ATP8A2: variants seen among roughly 807,000 people sequenced by gnomAD.
ATP8A2 encodes ATPase phospholipid transporting 8A2, also known as phospholipid-transporting ATPase IB.
A neutral mutation model predicts 165.6 loss-of-function variants in ATP8A2; 100 were observed. The observed-to-expected ratio is 0.60, with a 90% confidence interval of 0.51 to 0.71. The LOEUF (loss-of-function observed/expected upper bound fraction) is 0.71. ATP8A2 is among the 30% of genes least tolerant of loss of function. ATP8A2 has a pLI of 0.00. For synonymous variants in ATP8A2, 543 were observed against 548.8 expected, an observed-to-expected ratio of 0.99 and a Z score of 0.15; for missense variants, 1,227 against 1,479.5, an observed-to-expected ratio of 0.83 and a Z score of 2.80.
At chr13:25,945,018 G>A (rs1051624723) in intron 33 of ATP8A2, among the ~76,000 whole-genome samples, 1 of 152,162 alleles carries the variant, frequency 6.6e-6, no homozygotes, top group African/African-American at 2.4e-5. Flanking sequence ...AGAAGAGAGG[G>A]GAGCCTGAAA....
intron 26 of ATP8A2, 57 bp from the exon 27 acceptor site, chr13:25,774,792 G>T: frequency 3.0e-6 from 3 of 1,003,008 alleles, no homozygotes; most frequent in Non-Finnish European, 4.7e-6. Flanking sequence ...CATTCTGTTT[G>T]TGACTTTTAT....
chr13:25,710,057 T>A (rs191825396), intron 25 of ATP8A2, among the ~76,000 whole-genome samples: 3 of 152,324 alleles, frequency 2.0e-5, no homozygotes, highest in African/African-American at 7.2e-5. Context: ...AAGATTTCTT[T>A]GGTTTAGTTT....
At chr13:25,467,028 G>A (rs1478981863) in intron 1 of ATP8A2, among the ~76,000 whole-genome samples, 2 of 152,206 alleles carry the variant, frequency 1.3e-5, no homozygotes, top group Non-Finnish European at 2.9e-5. Context: ...ATTGAAGTCC[G>A]GGAGCCCCAG....
At chr13:25,446,094 G>C (rs530383675) in intron 1 of ATP8A2, among the ~76,000 whole-genome samples, 2 of 152,310 alleles carry the variant, frequency 1.3e-5, no homozygotes, top group African/African-American at 4.8e-5. Flanking sequence ...AGCGCTGTAA[G>C]TGCTCTGAAT....
chr13:25,526,365 G>A (rs578242456), intron 2 of ATP8A2, among the ~76,000 whole-genome samples: 2 of 152,236 alleles, frequency 1.3e-5, no homozygotes, highest in African/African-American at 2.4e-5. Flanking sequence ...ACTTATGAAT[G>A]TATGTGTATA....
chr13:25,487,061 T>G (rs2036375859), intron 2 of ATP8A2, among the ~76,000 whole-genome samples: 3 of 152,184 alleles, frequency 2.0e-5, no homozygotes, highest in Admixed American at 6.5e-5. Context: ...TTAGTAAGAC[T>G]TGAAAGACAG....
chr13:25,898,995 T>C (rs907502317), intron 33 of ATP8A2, among the ~76,000 whole-genome samples: 2 of 152,234 alleles, frequency 1.3e-5, no homozygotes, highest in Non-Finnish European at 2.9e-5. Flanking sequence ...GGTTATGCCT[T>C]GCCCTGCTTC....
intron 1 of ATP8A2, among the ~76,000 whole-genome samples, chr13:25,403,948 G>A (rs2033718375): frequency 6.6e-6 from 1 of 152,172 alleles, no homozygotes; most frequent in Admixed American, 6.5e-5. Context: ...GGGGCTGCAG[G>A]AAGGGATCCA....
chr13:25,788,118 T>A (rs1181199851), intron 27 of ATP8A2, among the ~76,000 whole-genome samples: 2 of 152,200 alleles, frequency 1.3e-5, no homozygotes, highest in African/African-American at 4.8e-5. Context: ...GCTCAAGCCG[T>A]GAAAACTTGG....
intron 18 of ATP8A2, among the ~76,000 whole-genome samples, chr13:25,573,664 C>T (rs2039532567): frequency 6.6e-6 from 1 of 152,032 alleles, no homozygotes; most frequent in African/African-American, 2.4e-5. Context: ...GTTGATATAA[C>T]TGTGAGAGAG....
At chr13:25,857,570 CTTTTT>C (rs71080207) in intron 30 of ATP8A2, among the ~76,000 whole-genome samples, 2 of 91,580 alleles carry the variant, frequency 2.2e-5, no homozygotes, top group Non-Finnish European at 2.1e-5. Context: ...CTTTTTTTTC[CTTTTT>C]TTTTTTTTTT....
rs142873958 is a variant in ATP8A2, at chr13:25,425,873, G to T, written c.77-43104G>T. Among the ~76,000 whole-genome samples the T allele has an allele frequency of 8.4e-3, 1,286 of 152,220 alleles. 21 individuals are homozygous for T. Among genetic ancestry groups the T allele is most frequent in the African/African-American group, 0.029 (1,190 of 41,530 alleles). The stretch of plus-strand genomic sequence containing the variant: ...TTACAGGCGTGAGCCACTGCGCCCG[G>T]CCAGATTGGCTTCTTTCACTTAGCA... On this transcript the variant is annotated intron_variant, in intron 1 of 36. Coordinates refer to ENST00000381655, the MANE Select transcript of ATP8A2 (RefSeq NM_016529.6).
intron 10 of ATP8A2, among the ~76,000 whole-genome samples, chr13:25,550,345 G>A (rs186730011): frequency 6.6e-6 from 1 of 152,194 alleles, no homozygotes; most frequent in East Asian, 1.9e-4. Flanking sequence ...TGCCCCACAA[G>A]TAGGATGTGG....
At chr13:25,388,797 G>A (rs9511778) in intron 1 of ATP8A2, among the ~76,000 whole-genome samples, 49,117 of 151,930 alleles carry the variant, frequency 0.32, 8,188 homozygotes, top group South Asian at 0.39. Context: ...AGCTAAACAC[G>A]GGAGCAGTGA....
chr13:25,439,520 T>C (rs908418243), intron 1 of ATP8A2, among the ~76,000 whole-genome samples: 7 of 152,252 alleles, frequency 4.6e-5, no homozygotes, highest in African/African-American at 1.7e-4. Context: ...TTTAAAGCTT[T>C]CTACCACTTG....
chr13:25,532,223 T>A, intron 4 of ATP8A2, 49 bp from the exon 5 acceptor site: 1 of 1,437,052 alleles, frequency 7.0e-7, no homozygotes, highest in East Asian at 2.3e-5. Flanking sequence ...TTTCAATTAT[T>A]CATGTGGAAC....
chr13:25,522,159 A>G (rs985630923), intron 2 of ATP8A2, among the ~76,000 whole-genome samples: 1 of 152,136 alleles, frequency 6.6e-6, no homozygotes, highest in East Asian at 1.9e-4. Flanking sequence ...GTGTATTAAT[A>G]GTTTTTCTTA....
intron 35 of ATP8A2, among the ~76,000 whole-genome samples, chr13:26,005,271 G>A (rs552893519): frequency 1.4e-3 from 211 of 151,932 alleles, no homozygotes; most frequent in Middle Eastern, 3.4e-3. Flanking sequence ...GACCCTTTAT[G>A]TTTCTGTGGT....
chr13:25,903,022 T>A (rs1953811857), intron 33 of ATP8A2, among the ~76,000 whole-genome samples: 1 of 151,426 alleles, frequency 6.6e-6, no homozygotes, highest in South Asian at 2.1e-4. Context: ...AAAACTCCTG[T>A]CTCGAATCAC....
Sources: allele counts gnomAD v4.1 joint callset (sites outside exome capture counted in the v4.1 genomes callset), GRCh38; gene constraint gnomAD v4.1.1; transcripts MANE v1.5; gene names NCBI Gene and HGNC (gene_info 2026-07-23, HGNC 2026-07-21).